The following AKR1A1 variants were observed in gnomAD, a reference collection of about 807,000 sequenced individuals.
AKR1A1 encodes the protein HEL-S-165mP.
A neutral mutation model predicts 39.2 loss-of-function variants in AKR1A1; 26 were observed. The ratio of observed to expected loss-of-function variants is 0.66; its 90% confidence interval spans 0.49 to 0.92. The LOEUF (loss-of-function observed/expected upper bound fraction) is 0.92. Ranked by LOEUF, AKR1A1 falls within the 40% of genes least tolerant of loss-of-function variation. The pLI, the probability that AKR1A1 is intolerant of heterozygous loss-of-function variation, is 0.00. For synonymous variants in AKR1A1, 141 were observed against 155.5 expected (o/e 0.91, Z 0.69); for missense variants, 378 against 406.5 (o/e 0.93, Z 0.60).
intron 2 of AKR1A1, among the ~76,000 whole-genome samples, chr1:45,564,805 T>TTTTA (rs372756811): frequency 1.3e-4 from 20 of 151,562 alleles, no homozygotes; most frequent in East Asian, 5.8e-4. Flanking sequence ...ATTTTTAAAT[T>TTTTA]TTTATTTATT....
At position 45,550,836 on chromosome 1, in the gene AKR1A1, G is replaced by T. The variant is rs1200697132; in HGVS notation, c.-326G>T. 6.6e-6 allele frequency: 1 copy of T among 152,374 alleles called. No homozygotes were observed. The allele number at this position is 152,374 out of a possible 1,614,324, so 9.4% of individuals were successfully genotyped here. On this transcript the variant is annotated 5_prime_UTR_variant, in exon 1 of 9. Coordinates refer to ENST00000351829, the MANE Select transcript of AKR1A1 (RefSeq NM_153326.3). Reference sequence around the variant, plus strand: ...ACCGCCCACGTGGCCAGCGCCACCTGCCTCATTGTGCCCAGGAGTTCTCCA... The same window carrying T: ...ACCGCCCACGTGGCCAGCGCCACCTTCCTCATTGTGCCCAGGAGTTCTCCA...
intron 1 of AKR1A1, among the ~76,000 whole-genome samples, chr1:45,552,897 G>A (rs914407652): frequency 3.3e-5 from 5 of 152,026 alleles, no homozygotes; most frequent in East Asian, 1.9e-4. Context: ...GGCCAAGGTG[G>A]GTGGATCACC....
intron 2 of AKR1A1, among the ~76,000 whole-genome samples, chr1:45,564,473 TTCTA>T (rs1644314907): frequency 6.6e-6 from 1 of 152,192 alleles, no homozygotes; most frequent in Admixed American, 6.5e-5. Context: ...TGACCCATCC[TTCTA>T]TCTGATGCCT....
chr1:45,567,793 C>T, intron 4 of AKR1A1, 189 bp from the exon 5 acceptor site: 1 of 524,080 alleles, frequency 1.9e-6, no homozygotes, highest in Non-Finnish European at 3.3e-6. Context: ...TGCCACTGCA[C>T]TCCAGCCTGG....
intron 1 of AKR1A1, 23 bp downstream of exon 1, chr1:45,551,178 C>T (rs1439232308): frequency 6.6e-6 from 1 of 152,418 alleles, no homozygotes; most frequent in Non-Finnish European, 1.5e-5. Flanking sequence ...TGCTGCTGGC[C>T]TATCTTTCTC....
chr1:45,562,740 C>A (rs1184933262), intron 2 of AKR1A1, among the ~76,000 whole-genome samples: 2 of 152,014 alleles, frequency 1.3e-5, no homozygotes, highest in African/African-American at 4.8e-5. Context: ...GAACTCCTGA[C>A]CTCAGGAGAT....
At chr1:45,563,628 A>G (rs549262192) in intron 2 of AKR1A1, among the ~76,000 whole-genome samples, 2 of 151,870 alleles carry the variant, frequency 1.3e-5, no homozygotes, top group Non-Finnish European at 1.5e-5. Context: ...CATCTCTACT[A>G]AAAATGCAAA....
Position 45,568,477 on chromosome 1 carries a change from TG to T in AKR1A1, c.553-6del. 6.2e-7 allele frequency: 1 copy of T among 1,613,468 alleles called. No homozygotes were observed. Among genetic ancestry groups the T allele is most frequent in the Non-Finnish European group, 8.5e-7 (1 of 1,180,008 alleles). On this transcript the variant is annotated splice_polypyrimidine_tract_variant and splice_region_variant and intron_variant, in intron 5 of 8. Transcript: ENST00000351829. ...CACTTCATGGTGATGGGTTATTCTTTGGCTCAGGTGGAATGCCACCCATACT... is the reference window on the plus strand; with the variant it reads ...CACTTCATGGTGATGGGTTATTCTTTGCTCAGGTGGAATGCCACCCATACT...
At chr1:45,567,886 T>C (rs553120519) in intron 4 of AKR1A1, 96 bp from the exon 5 acceptor site, 101 of 1,190,028 alleles carry the variant, frequency 8.5e-5, no homozygotes, top group Non-Finnish European at 1.0e-4. Flanking sequence ...TTGTCCTCTC[T>C]GGGATTGGAG....
chr1:45,567,103 G>A, intron 4 of AKR1A1, 83 bp downstream of exon 4: 4 of 1,541,846 alleles, frequency 2.6e-6, no homozygotes, highest in Middle Eastern at 1.8e-4. Context: ...CACAGCAGCA[G>A]AGCAGGATAG....
chr1:45,567,220 G>T, intron 4 of AKR1A1, 200 bp downstream of exon 4: 1 of 683,208 alleles, frequency 1.5e-6, no homozygotes, highest in Non-Finnish European at 2.4e-6. Context: ...GAAAAAGGAA[G>T]GCAGTCTCAC....
In AKR1A1 at chr1:45,568,591, G is replaced by T. The variant is rs79274447; in HGVS notation, c.659G>T (p.Trp220Leu). 74 of 1,614,040 alleles carry T rather than the reference G, an allele frequency of 4.6e-5. No homozygotes were observed. The African/African-American group carries it at 8.3e-4, about 18-fold the overall frequency. The change falls in exon 6 of 9, where the codon TGG becomes TTG. Residue 220 changes from tryptophan to leucine, a missense_variant. By Grantham distance (61) the Trp-to-Leu change is moderately conservative. Coordinates refer to ENST00000351829, the MANE Select transcript of AKR1A1 (RefSeq NM_153326.3). ...CCTTTGGGCTCCTCTGATCGTGCAT[G>T]GCGTGATCCTGATGAGCCTGTCCTG... ...YSPLGSSDRAWRDPDEPVLLE... is the reference protein window; with the variant it reads ...YSPLGSSDRALRDPDEPVLLE...
intron 2 of AKR1A1, among the ~76,000 whole-genome samples, chr1:45,563,871 A>T (rs780206847): frequency 1.3e-5 from 2 of 152,238 alleles, no homozygotes; most frequent in Non-Finnish European, 2.9e-5. Flanking sequence ...TAAAGTTGAT[A>T]ATTGACTGAC....
chr1:45,552,238 G>C (rs1211033815), intron 1 of AKR1A1, among the ~76,000 whole-genome samples: 1 of 151,790 alleles, frequency 6.6e-6, no homozygotes, highest in East Asian at 1.9e-4. Context: ...CTGGAGTGTA[G>C]TGGTGGAATC....
chr1:45,558,676 G>T (rs1644239558), intron 1 of AKR1A1, among the ~76,000 whole-genome samples: 1 of 152,106 alleles, frequency 6.6e-6, no homozygotes. Flanking sequence ...GGGATTACAG[G>T]TGTAAGCCAC....
At chr1:45,551,479 C>A (rs966953737) in intron 1 of AKR1A1, among the ~76,000 whole-genome samples, 3 of 152,210 alleles carry the variant, frequency 2.0e-5, no homozygotes, top group African/African-American at 7.2e-5. Context: ...CACCTATGTG[C>A]TTTTTCCAGC....
At chr1:45,563,875 G>T (rs1285867917) in intron 2 of AKR1A1, among the ~76,000 whole-genome samples, 1 of 152,324 alleles carries the variant, frequency 6.6e-6, no homozygotes, top group East Asian at 1.9e-4. Context: ...GTTGATAATT[G>T]ACTGACCCCT....
intron 4 of AKR1A1, 53 bp downstream of exon 4, chr1:45,567,073 G>A (rs770896168): frequency 5.7e-6 from 9 of 1,588,814 alleles, no homozygotes; most frequent in African/African-American, 2.7e-5. Context: ...GCAGGATGGT[G>A]TTAGTAACTT....
rs190774888 is a variant in AKR1A1 at position 45,568,166 on chromosome 1, G to C, written c.541G>C (p.Ala181Pro). 74 of 1,612,672 alleles carry C rather than the reference G, an allele frequency of 4.6e-5. No homozygotes were observed. The East Asian group carries it at 1.5e-3, about 34-fold the overall frequency. The change falls in exon 5 of 9, where the codon GCT (alanine) becomes CCT (proline). Residue 181 changes from alanine to proline, a missense_variant. Coordinates refer to ENST00000351829, the MANE Select transcript of AKR1A1 (RefSeq NM_153326.3). ...DILSVASVRP[A>P]VLQVECHPYL... ...ACTCAGTGTGGCCTCCGTGCGTCCAGCTGTCTTGCAGGTAAGGACAGCAAG... is the reference window on the plus strand; with the variant it reads ...ACTCAGTGTGGCCTCCGTGCGTCCACCTGTCTTGCAGGTAAGGACAGCAAG...
Sources: allele counts gnomAD v4.1 joint callset (sites outside exome capture counted in the v4.1 genomes callset), GRCh38; gene constraint gnomAD v4.1.1; transcripts MANE v1.5; gene names NCBI Gene and HGNC (gene_info 2026-07-23, HGNC 2026-07-21).